EVI5: variants seen among roughly 807,000 people sequenced by gnomAD.
EVI5 encodes the protein ecotropic viral integration site 5.
In EVI5, 73 loss-of-function variants were observed where a neutral mutation model predicts 112.0. The observed-to-expected ratio is 0.65, with a 90% CI of 0.54 to 0.79. EVI5 has a LOEUF of 0.79. EVI5 is among the 30% of genes least tolerant of loss of function. The pLI, the probability that EVI5 is intolerant of heterozygous loss-of-function variation, is 0.00. For missense variants in EVI5, 900 were observed against 968.8 expected, an observed-to-expected ratio of 0.93 and a Z score of 0.94; for synonymous variants, 305 against 319.9, an observed-to-expected ratio of 0.95 and a Z score of 0.50.
chr1:92,561,587 C>T (rs1668563126), intron 19 of EVI5, among the ~76,000 whole-genome samples: 1 of 150,158 alleles, frequency 6.7e-6, no homozygotes, highest in African/African-American at 2.4e-5. Context: ...ATCTATCTAT[C>T]TATCTATCTA....
At chr1:92,674,767 G>A (rs550179744) in intron 10 of EVI5, among the ~76,000 whole-genome samples, 2 of 151,828 alleles carry the variant, frequency 1.3e-5, no homozygotes, top group South Asian at 2.1e-4. Flanking sequence ...TCATTCAAAA[G>A]TTGTTTTGGT....
chr1:92,743,046 T>A (rs1030800811), intron 1 of EVI5, among the ~76,000 whole-genome samples: 5 of 152,180 alleles, frequency 3.3e-5, no homozygotes, highest in African/African-American at 1.2e-4. Context: ...CAATGGACTA[T>A]TATTCAGCCT....
chr1:92,591,860 TA>T (rs1673986116), intron 18 of EVI5, among the ~76,000 whole-genome samples: 2 of 152,344 alleles, frequency 1.3e-5, no homozygotes, highest in South Asian at 4.1e-4. Flanking sequence ...TAGTTGGAAG[TA>T]AAGCACTCCT....
chr1:92,625,141 AAT>A (rs1655403533), intron 15 of EVI5, among the ~76,000 whole-genome samples: 1 of 152,168 alleles, frequency 6.6e-6, no homozygotes, highest in African/African-American at 2.4e-5. Flanking sequence ...TTAAGGAAGG[AAT>A]GTTAGAAGTT....
chr1:92,766,780 TAAAC>T (rs1377676395), intron 1 of EVI5, among the ~76,000 whole-genome samples: 1 of 152,084 alleles, frequency 6.6e-6, no homozygotes, highest in Admixed American at 6.6e-5. Flanking sequence ...ATTCCAGAAA[TAAAC>T]AATTCATTAA....
chr1:92,550,449 A>T (rs1385171401), intron 19 of EVI5, among the ~76,000 whole-genome samples: 1 of 151,728 alleles, frequency 6.6e-6, no homozygotes, highest in Non-Finnish European at 1.5e-5. Flanking sequence ...TACAAATGTA[A>T]CAAACCTGCA....
At chr1:92,625,572 A>G (rs1655490033) in intron 15 of EVI5, 1 of 399,332 alleles carries the variant, frequency 2.5e-6, no homozygotes, top group African/African-American at 2.0e-5. Flanking sequence ...CAAAAATATT[A>G]TCTGATGTCT....
intron 2 of EVI5, among the ~76,000 whole-genome samples, chr1:92,705,893 C>T (rs541270458): frequency 5.3e-5 from 8 of 152,246 alleles, no homozygotes; most frequent in African/African-American, 1.9e-4. Flanking sequence ...TACAACCACC[C>T]TTTGAGAGCC....
chr1:92,666,004 A>T lies in EVI5; in HGVS notation c.1159-12T>A, dbSNP rs1404570406. The stretch of plus-strand genomic sequence containing the variant: ...TCTGTGCGTAACCTCTGCCAAGAAA[A>T]AAAAAGTTTTATTTGCAAGCATTTT... On this transcript the variant is annotated splice_polypyrimidine_tract_variant and intron_variant, in intron 10 of 19. Coordinates refer to ENST00000684568, the MANE Select transcript of EVI5 (RefSeq NM_001350197.2). 1 of 1,585,784 alleles carries T rather than the reference A, an allele frequency of 6.3e-7. No homozygotes were observed. Among genetic ancestry groups the T allele is most frequent in the Admixed American group, 1.9e-5 (1 of 53,848 alleles).
At chr1:92,699,380 T>A (rs1670786501) in intron 5 of EVI5, among the ~76,000 whole-genome samples, 1 of 152,162 alleles carries the variant, frequency 6.6e-6, no homozygotes, top group African/African-American at 2.4e-5. Context: ...TATCCTACCA[T>A]CAACAGAATA....
chr1:92,570,788 C>T (rs1303495732), intron 18 of EVI5, among the ~76,000 whole-genome samples: 2 of 152,084 alleles, frequency 1.3e-5, no homozygotes, highest in South Asian at 4.1e-4. Context: ...GATGTTTTTT[C>T]CAAAGGTGGG....
At chr1:92,688,037 A>G (rs569485013) in intron 9 of EVI5, among the ~76,000 whole-genome samples, 41 of 152,352 alleles carry the variant, frequency 2.7e-4, no homozygotes, top group African/African-American at 9.9e-4. Context: ...TACTGGGTAT[A>G]TACCCAAAGG....
At chr1:92,778,734 G>A (rs978428774) in intron 1 of EVI5, among the ~76,000 whole-genome samples, 1 of 152,148 alleles carries the variant, frequency 6.6e-6, no homozygotes, top group Non-Finnish European at 1.5e-5. Flanking sequence ...GCTAATCTTC[G>A]GAGATAGAAA....
At chr1:92,565,700 G>A (rs1299724282) in intron 18 of EVI5, among the ~76,000 whole-genome samples, 1 of 151,992 alleles carries the variant, frequency 6.6e-6, no homozygotes, top group Non-Finnish European at 1.5e-5. Context: ...CAGGCGCGGT[G>A]GCTCATGCCT....
rs1021401080 is a variant in EVI5, at chr1:92,712,935, G to T, written c.150-8191C>A. On this transcript the variant is annotated intron_variant, in intron 2 of 19. Coordinates refer to ENST00000684568, the MANE Select transcript of EVI5 (RefSeq NM_001350197.2). ...CAATTAAAAGCTTTTTAAAAAAGAT[G>T]AAAAATATATATATAAGATATATAT... Among the ~76,000 whole-genome samples, 8 of 150,778 alleles carry T rather than the reference G, an allele frequency of 5.3e-5. 1 individual carries two copies. Among genetic ancestry groups the T allele is most frequent in the Admixed American group, 4.0e-4 (6 of 15,120 alleles).
At chr1:92,752,011 G>A (rs945165350) in intron 1 of EVI5, among the ~76,000 whole-genome samples, 1 of 151,984 alleles carries the variant, frequency 6.6e-6, no homozygotes, top group South Asian at 2.1e-4. Flanking sequence ...GAGACACCCT[G>A]TCTTAAAAAA....
chr1:92,534,521 C>T (rs1161891923), intron 19 of EVI5, among the ~76,000 whole-genome samples: 3 of 152,204 alleles, frequency 2.0e-5, no homozygotes, highest in African/African-American at 4.8e-5. Flanking sequence ...CGCTACCTGA[C>T]TTCAAACTAT....
chr1:92,658,404 T>C (rs1475047102), intron 13 of EVI5, among the ~76,000 whole-genome samples: 6 of 152,156 alleles, frequency 3.9e-5, no homozygotes. Flanking sequence ...AAAACCAATG[T>C]ACAGAATCAG....
chr1:92,695,980 G>C (rs1439346849), intron 6 of EVI5, among the ~76,000 whole-genome samples: 1 of 151,378 alleles, frequency 6.6e-6, no homozygotes, highest in African/African-American at 2.4e-5. Context: ...ACCCAGGCTA[G>C]GGTACAGTGG....
Sources: allele counts gnomAD v4.1 joint callset (sites outside exome capture counted in the v4.1 genomes callset), GRCh38; gene constraint gnomAD v4.1.1; transcripts MANE v1.5; gene names NCBI Gene and HGNC (gene_info 2026-07-23, HGNC 2026-07-21).